L2HGDH: variants seen among roughly 807,000 people sequenced by gnomAD.
The protein encoded by L2HGDH is L-2-hydroxyglutarate dehydrogenase, mitochondrial.
A neutral mutation model predicts 51.5 loss-of-function variants in L2HGDH; 34 were observed. That is an observed-to-expected ratio of 0.66 (90% CI 0.50 to 0.88). L2HGDH has a LOEUF of 0.88. L2HGDH is among the 40% of genes least tolerant of loss of function. The pLI, the probability that L2HGDH is intolerant of heterozygous loss-of-function variation, is 0.00. For synonymous variants in L2HGDH, 198 were observed against 197.9 expected, an observed-to-expected ratio of 1.00 and a Z score of -0.01; for missense variants, 558 against 571.9, an observed-to-expected ratio of 0.98 and a Z score of 0.25.
chr14:50,309,127 C>T (rs919041928), intron 1 of L2HGDH, among the ~76,000 whole-genome samples: 1 of 152,136 alleles, frequency 6.6e-6, no homozygotes, highest in African/African-American at 2.4e-5. Flanking sequence ...TCTTAACAGT[C>T]TTTTGCAGAG....
chr14:50,250,565 T>C (rs1313243925), intron 9 of L2HGDH, among the ~76,000 whole-genome samples: 1 of 152,074 alleles, frequency 6.6e-6, no homozygotes, highest in Non-Finnish European at 1.5e-5. Flanking sequence ...TGAGGAAGCT[T>C]ACTGCCCTGA....
rs537040577 is a variant in L2HGDH, at chr14:50,245,858, G to C, written c.*1200C>G. 2,143 of 974,574 alleles carry C rather than the reference G, an allele frequency of 2.2e-3. 8 individuals carry two copies. The highest frequency in any genetic ancestry group is 0.014 in the South Asian group (300 of 21,114). The allele number at this position is 974,574 out of a possible 1,614,324, so 60.4% of individuals were successfully genotyped here. A position where few individuals can be genotyped will look rare whatever the true frequency, so the allele number is the denominator to read the frequency against. On this transcript the variant is annotated 3_prime_UTR_variant, in exon 10 of 10. Coordinates refer to ENST00000267436, the MANE Select transcript of L2HGDH (RefSeq NM_024884.3). ...GATTCAGGGCTGAGCATGATGGCTC[G>C]CACCTGTAATCCCAGCATTTTGGGA...
chr14:50,243,928 C>T lies in L2HGDH; in HGVS notation c.*3130G>A, dbSNP rs1329369543. On this transcript the variant is annotated 3_prime_UTR_variant, in exon 10 of 10. Coordinates refer to ENST00000267436, the MANE Select transcript of L2HGDH (RefSeq NM_024884.3). ...ATTCCCATCTATGAGTGAGAACATG[C>T]GGTGTTTGGTTTTTTGTTCTTGCGA... 2.1e-5 allele frequency: 3 copies of T among 144,600 alleles called. No homozygotes were observed. Among genetic ancestry groups the T allele is most frequent in the East Asian group, 2.1e-4 (1 of 4,860 alleles). 9.0% of individuals were successfully genotyped at this position (144,600 alleles called of 1,614,324 possible).
At position 50,244,789 on chromosome 14, in the gene L2HGDH, T is replaced by G; in HGVS notation, c.*2269A>C. The G allele has an allele frequency of 1.0e-6, 1 of 985,396 alleles. No homozygotes were observed. The highest frequency in any genetic ancestry group is 1.2e-6 in the Non-Finnish European group (1 of 829,932). The allele number at this position is 985,396 out of a possible 1,614,324, so 61.0% of individuals were successfully genotyped here. On this transcript the variant is annotated 3_prime_UTR_variant, in exon 10 of 10. Coordinates refer to ENST00000267436, the MANE Select transcript of L2HGDH (RefSeq NM_024884.3). ...GAAGAAAACAGAAACATTTTTCCTA[T>G]CAACCAAAATGCACATCCTTCTCAC...
chr14:50,251,464 G>T (rs1272701335), intron 9 of L2HGDH, among the ~76,000 whole-genome samples: 1 of 152,092 alleles, frequency 6.6e-6, no homozygotes, highest in Non-Finnish European at 1.5e-5. Flanking sequence ...TATTCAAAGG[G>T]ATGATAACAG....
rs1384079780 is a variant in L2HGDH at position 50,244,753 on chromosome 14, G to A, written c.*2305C>T. 1 of 985,306 alleles carries A rather than the reference G, an allele frequency of 1.0e-6. No individual in the cohort carries two copies. The highest frequency in any genetic ancestry group is 1.1e-4 in the East Asian group (1 of 8,826). 61.0% of individuals were successfully genotyped at this position (985,306 alleles called of 1,614,324 possible). A position where few individuals can be genotyped will look rare whatever the true frequency, so the allele number is the denominator to read the frequency against. On this transcript the variant is annotated 3_prime_UTR_variant, in exon 10 of 10. Transcript: ENST00000267436. ...CAATGTAATCATCAATGCTTGAAGT[G>A]AGGGGAAAAGGAAGAAAACAGAAAC...
At chr14:50,250,570 C>A (rs1255916574) in intron 9 of L2HGDH, among the ~76,000 whole-genome samples, 2 of 152,194 alleles carry the variant, frequency 1.3e-5, no homozygotes, top group Non-Finnish European at 2.9e-5. Flanking sequence ...AAGCTTACTG[C>A]CCTGAAGGGA....
At chr14:50,287,399 T>A in intron 4 of L2HGDH, 2 of 650,316 alleles carry the variant, frequency 3.1e-6, no homozygotes, top group Non-Finnish European at 3.8e-6. Context: ...AGGATACCAG[T>A]AATCCTGTTT....
At chr14:50,269,059 T>C (rs1010657428) in intron 7 of L2HGDH, 104 bp downstream of exon 7, 2 of 1,029,916 alleles carry the variant, frequency 1.9e-6, no homozygotes, top group Non-Finnish European at 3.0e-6. Context: ...AAAACGGTCC[T>C]TCAAAATTTC....
At position 50,244,592 on chromosome 14, in the gene L2HGDH, T is replaced by C. The variant is rs1334450446; in HGVS notation, c.*2466A>G. 9 of 985,310 alleles carry C rather than the reference T, an allele frequency of 9.1e-6. No homozygotes were observed. The Admixed American group carries it at 3.1e-4, about 34-fold the overall frequency. The allele number at this position is 985,310 out of a possible 1,614,324, so 61.0% of individuals were successfully genotyped here. A position where few individuals can be genotyped will look rare whatever the true frequency, so the allele number is the denominator to read the frequency against. ...ACATTAGGGCTTGTTTCTTCTGTCA[T>C]TGATATCTGAATGCTTTTAATATAC... On this transcript the variant is annotated 3_prime_UTR_variant, in exon 10 of 10. Transcript: ENST00000267436.
At chr14:50,248,233 T>C (rs1414637132) in intron 9 of L2HGDH, among the ~76,000 whole-genome samples, 3 of 152,342 alleles carry the variant, frequency 2.0e-5, no homozygotes, top group Admixed American at 2.0e-4. Flanking sequence ...GCACCTCTTA[T>C]GAAACTTGTC....
At position 50,278,534 on chromosome 14, in the gene L2HGDH, TA is replaced by T; in HGVS notation, c.723del (p.Ile242Ter). On this transcript the variant is annotated frameshift_variant, in exon 6 of 10. Transcript: ENST00000267436. LOFTEE classifies it high-confidence loss of function. ...AGAATCTTTACCTTTGTATTCTTTATAACAATTGGATATTGCATTCCTGAAA... is the reference window on the plus strand; with the variant it reads ...AGAATCTTTACCTTTGTATTCTTTATACAATTGGATATTGCATTCCTGAAA... ...RSIDGMQYPI[V>X]IKNTKGEEIR... is the part of the protein sequence containing the mutation. 1 of 1,493,810 alleles carries T rather than the reference TA, an allele frequency of 6.7e-7. No homozygotes were observed. The highest frequency in any genetic ancestry group is 9.3e-7 in the Non-Finnish European group (1 of 1,077,844). 92.5% of individuals were successfully genotyped at this position (1,493,810 alleles called of 1,614,324 possible).
intron 9 of L2HGDH, among the ~76,000 whole-genome samples, chr14:50,247,596 T>C (rs931652118): frequency 6.6e-6 from 1 of 152,238 alleles, no homozygotes; most frequent in Non-Finnish European, 1.5e-5. Flanking sequence ...ATTTATAGAA[T>C]GAATTTATTA....
intron 5 of L2HGDH, 35 bp downstream of exon 5, chr14:50,283,836 G>T (rs988019714): frequency 1.9e-6 from 3 of 1,596,254 alleles, no homozygotes; most frequent in Admixed American, 3.3e-5. Context: ...ATGGAGGGCT[G>T]ACTATATTCA....
intron 6 of L2HGDH, among the ~76,000 whole-genome samples, chr14:50,276,873 C>A (rs1030947188): frequency 3.9e-5 from 6 of 152,204 alleles, no homozygotes; most frequent in African/African-American, 1.2e-4. Context: ...GTACTACTGA[C>A]TTTGGGGGCT....
In L2HGDH at chr14:50,299,532, A is replaced by G. The variant is rs186082651; in HGVS notation, c.408+2485T>C. On this transcript the variant is annotated intron_variant, in intron 3 of 9. Coordinates refer to ENST00000267436, the MANE Select transcript of L2HGDH (RefSeq NM_024884.3). ...AAGACACATCAAAAAAATGAAAACTATAGGCCAATATTCCTGATGAACACT... is the reference window on the plus strand; with the variant it reads ...AAGACACATCAAAAAAATGAAAACTGTAGGCCAATATTCCTGATGAACACT... Among the ~76,000 whole-genome samples, 99 of 152,332 alleles carry G rather than the reference A, an allele frequency of 6.5e-4. 1 individual carries two copies. In the East Asian group the frequency reaches 0.013, roughly 19 times the overall value.
chr14:50,283,044 T>C (rs903609664), intron 5 of L2HGDH, among the ~76,000 whole-genome samples: 1 of 149,540 alleles, frequency 6.7e-6, no homozygotes, highest in Non-Finnish European at 1.5e-5. Context: ...AAAAGAAAAA[T>C]ACAAAAATTA....
intron 8 of L2HGDH, among the ~76,000 whole-genome samples, chr14:50,266,623 A>G (rs1017745471): frequency 1.3e-5 from 2 of 152,208 alleles, no homozygotes; most frequent in Non-Finnish European, 2.9e-5. Context: ...ATTACAAAAC[A>G]AAAAACCAAA....
chr14:50,251,198 G>A (rs1177993377), intron 9 of L2HGDH, among the ~76,000 whole-genome samples: 2 of 152,054 alleles, frequency 1.3e-5, no homozygotes, highest in Non-Finnish European at 2.9e-5. Flanking sequence ...GAATTAAACA[G>A]AAATTCTAGA....
Sources: gnomAD v4.1 joint callset for allele counts (sites outside exome capture counted in the v4.1 genomes callset) on GRCh38, gnomAD v4.1.1 for gene constraint, MANE v1.5 for transcripts, NCBI Gene and HGNC (gene_info 2026-07-23, HGNC 2026-07-21) for gene names.